The following RAB8B variants were observed in gnomAD, a reference collection of about 807,000 sequenced individuals.
RAB8B encodes the protein ras-related protein Rab-8B.
RAB8B carries 11 observed loss-of-function variants against 32.0 expected under a neutral mutation model. The observed-to-expected ratio is 0.34, with a 90% CI of 0.22 to 0.57. The LOEUF is 0.57. Among genes scored for constraint, RAB8B ranks in the 20% least tolerant of loss-of-function variants. RAB8B has a pLI of 0.86. For missense variants in RAB8B, 190 were observed against 258.5 expected (o/e 0.73, Z 1.82); for synonymous variants, 103 against 89.6 (o/e 1.15, Z -0.85).
chr15:63,213,766 A>G (rs908472087), intron 1 of RAB8B, among the ~76,000 whole-genome samples: 15 of 152,114 alleles, frequency 9.9e-5, no homozygotes, highest in Admixed American at 4.6e-4. Flanking sequence ...CATCGCTTAT[A>G]TCTGCTCTCA....
At chr15:63,230,784 C>G (rs2037930166) in intron 1 of RAB8B, among the ~76,000 whole-genome samples, 1 of 152,174 alleles carries the variant, frequency 6.6e-6, no homozygotes, top group African/African-American at 2.4e-5. Context: ...TAGCCTTGAA[C>G]TCCTAGGCTC....
chr15:63,249,730 ACT>A (rs2038099154), intron 3 of RAB8B, 25 bp downstream of exon 3: 24 of 1,602,918 alleles, frequency 1.5e-5, no homozygotes, highest in Non-Finnish European at 2.0e-5. Context: ...GGGTTTTGTA[ACT>A]CTTCAGGTAG....
At chr15:63,236,001 T>G (rs557682142) in intron 1 of RAB8B, among the ~76,000 whole-genome samples, 1 of 152,206 alleles carries the variant, frequency 6.6e-6, no homozygotes, top group African/African-American at 2.4e-5. Flanking sequence ...GTCTGATCTT[T>G]AAAAGCCAAA....
At chr15:63,256,681 T>G in intron 5 of RAB8B, 87 bp downstream of exon 5, 1 of 1,019,376 alleles carries the variant, frequency 9.8e-7, no homozygotes. Context: ...TGATTTTTTT[T>G]AAAATCTGTG....
At chr15:63,254,499 T>C (rs1225971361) in intron 3 of RAB8B, among the ~76,000 whole-genome samples, 1 of 152,098 alleles carries the variant, frequency 6.6e-6, no homozygotes, top group Non-Finnish European at 1.5e-5. Flanking sequence ...TAAATATTTA[T>C]GTAGTAGATG....
chr15:63,196,211 T>C (rs1470405866), intron 1 of RAB8B, among the ~76,000 whole-genome samples: 1 of 152,170 alleles, frequency 6.6e-6, no homozygotes, highest in Non-Finnish European at 1.5e-5. Flanking sequence ...CAAACAGACA[T>C]GTCTGTGGGC....
At chr15:63,212,636 G>A (rs1218941237) in intron 1 of RAB8B, among the ~76,000 whole-genome samples, 2 of 152,156 alleles carry the variant, frequency 1.3e-5, no homozygotes, top group Admixed American at 6.5e-5. Flanking sequence ...TGTGGGAAGA[G>A]GGGGAGGTGA....
At chr15:63,192,426 C>G (rs1004997458) in intron 1 of RAB8B, among the ~76,000 whole-genome samples, 1 of 152,224 alleles carries the variant, frequency 6.6e-6, no homozygotes, top group Non-Finnish European at 1.5e-5. Flanking sequence ...GACAGCCCAT[C>G]TCCTCCCTAG....
rs554564832 is a variant in RAB8B, at chr15:63,267,599, A to G, written c.*3980A>G. 3 of 152,310 alleles carry G rather than the reference A, an allele frequency of 2.0e-5. No homozygotes were observed. In the South Asian group the frequency reaches 6.2e-4, roughly 32 times the overall value. 9.4% of individuals were successfully genotyped at this position (152,310 alleles called of 1,614,324 possible). On this transcript the variant is annotated 3_prime_UTR_variant, in exon 8 of 8. Coordinates refer to ENST00000321437, the MANE Select transcript of RAB8B (RefSeq NM_016530.3). ...ATTTTATTTTTGCTCCAATGGCTTA[A>G]TGTGAAAAGCTCCTGCAGATAAGTG...
intron 2 of RAB8B, among the ~76,000 whole-genome samples, chr15:63,245,279 G>C (rs1392727641): frequency 6.6e-6 from 1 of 152,090 alleles, no homozygotes. Flanking sequence ...TTGTAAATTG[G>C]TTGGATTGAT....
intron 1 of RAB8B, among the ~76,000 whole-genome samples, chr15:63,213,435 G>T (rs1343947135): frequency 6.6e-6 from 1 of 152,242 alleles, no homozygotes; most frequent in East Asian, 1.9e-4. Flanking sequence ...ACTGGATAAA[G>T]AATTTCTTGT....
intron 1 of RAB8B, among the ~76,000 whole-genome samples, chr15:63,235,504 C>T (rs2037970869): frequency 1.3e-5 from 2 of 151,992 alleles, no homozygotes; most frequent in South Asian, 4.2e-4. Context: ...GTCCATGTAC[C>T]CACCACTCAA....
chr15:63,196,320 G>A (rs938610573), intron 1 of RAB8B, among the ~76,000 whole-genome samples: 2 of 152,192 alleles, frequency 1.3e-5, no homozygotes, highest in African/African-American at 2.4e-5. Context: ...ATCAGAGCTG[G>A]TATTGACATG....
intron 1 of RAB8B, among the ~76,000 whole-genome samples, chr15:63,205,214 C>T (rs1595734515): frequency 6.6e-6 from 1 of 152,144 alleles, no homozygotes; most frequent in African/African-American, 2.4e-5. Flanking sequence ...GCGGGAGAAT[C>T]GCTTGAACCC....
intron 1 of RAB8B, among the ~76,000 whole-genome samples, chr15:63,243,560 C>T (rs558538872): frequency 5.6e-4 from 85 of 152,108 alleles, no homozygotes; most frequent in South Asian, 3.9e-3. Flanking sequence ...TTGAAGTGCC[C>T]GAGGCCTTCA....
chr15:63,230,299 C>T (rs1052055267), intron 1 of RAB8B, among the ~76,000 whole-genome samples: 3 of 151,908 alleles, frequency 2.0e-5, no homozygotes, highest in Non-Finnish European at 4.4e-5. Context: ...TCTCTTACCA[C>T]TTTTGTTGTT....
At chr15:63,255,711 CTG>C in intron 4 of RAB8B, 127 bp downstream of exon 4, 1 of 678,186 alleles carries the variant, frequency 1.5e-6, no homozygotes, top group Non-Finnish European at 2.6e-6. Context: ...CCCTCTCTCT[CTG>C]AAGAGCTCCA....
rs553428825 is a variant in RAB8B at position 63,259,901 on chromosome 15, C to G, written c.480+209C>G. ...CCAGGCTGGAATGCAGTGGCATGAT[C>G]TCGGCTCACTGCAACCTCTGCCTCC... On this transcript the variant is annotated intron_variant, in intron 6 of 7. Transcript: ENST00000321437. This position sits in a 1 kb window ranked among gnomAD's most constrained non-coding sequence, Gnocchi z 4.4. Among the ~76,000 whole-genome samples the G allele has an allele frequency of 6.6e-6, 1 of 151,718 alleles. No individual in the cohort carries two copies. The highest frequency in any genetic ancestry group is 2.4e-5 in the African/African-American group (1 of 41,266).
intron 1 of RAB8B, among the ~76,000 whole-genome samples, chr15:63,218,236 AC>A (rs1167614909): frequency 1.3e-5 from 2 of 152,138 alleles, no homozygotes; most frequent in Non-Finnish European, 2.9e-5. Flanking sequence ...ACTTATCTGG[AC>A]CTCTGTTTCC....
Sources: allele counts gnomAD v4.1 joint callset (sites outside exome capture counted in the v4.1 genomes callset), GRCh38; gene constraint gnomAD v4.1.1; non-coding constraint Gnocchi (gnomAD v3.1); transcripts MANE v1.5; gene names NCBI Gene and HGNC (gene_info 2026-07-23, HGNC 2026-07-21).